The following C12orf42 variants were observed in gnomAD, a reference collection of about 807,000 sequenced individuals.
C12orf42 encodes uncharacterized protein C12orf42.
In C12orf42, 25 loss-of-function variants were observed where a neutral mutation model predicts 21.6. The observed-to-expected ratio is 1.16, with a 90% CI of 0.84 to 1.62. The LOEUF (loss-of-function observed/expected upper bound fraction) is 1.62. C12orf42 is among the 40% of genes most tolerant of loss of function. C12orf42 has a pLI of 0.00. For synonymous variants in C12orf42, 174 were observed against 175.0 expected, an observed-to-expected ratio of 0.99 and a Z score of 0.05; for missense variants, 483 against 459.3, an observed-to-expected ratio of 1.05 and a Z score of -0.47.
the C12orf42 span, among the ~76,000 whole-genome samples, chr12:103,507,078 T>TTTA: frequency 9.5e-5 from 1 of 10,508 alleles, no homozygotes; most frequent in Non-Finnish European, 1.2e-4. Context: ...AAATATATAT[T>TTTA]TATATATAAT....
At chr12:103,555,569 G>A in the C12orf42 span, among the ~76,000 whole-genome samples, 12,930 of 152,100 alleles carry the variant, frequency 0.085, 694 homozygotes, top group African/African-American at 0.13. Context: ...CTGCTGATCC[G>A]AGGACCACAC....
the C12orf42 span, among the ~76,000 whole-genome samples, chr12:103,167,879 C>CGTGT: frequency 1.1e-3 from 147 of 134,162 alleles, no homozygotes; most frequent in Admixed American, 5.0e-3. Flanking sequence ...GAGGGGTGGG[C>CGTGT]GTGTGTGTGT....
At chr12:103,248,920 C>T (rs1445075758) in intron 10 of C12orf42, among the ~76,000 whole-genome samples, 1 of 151,866 alleles carries the variant, frequency 6.6e-6, no homozygotes, top group Non-Finnish European at 1.5e-5. Context: ...TGTTGAACCC[C>T]AACTAATATT....
intron 10 of C12orf42, among the ~76,000 whole-genome samples, chr12:103,255,637 C>G (rs1012810108): frequency 2.6e-5 from 4 of 151,714 alleles, no homozygotes; most frequent in African/African-American, 9.7e-5. Flanking sequence ...TTTTAAGGAC[C>G]ATTTAGTCTA....
the C12orf42 span, among the ~76,000 whole-genome samples, chr12:103,201,765 T>C: frequency 0.37 from 55,753 of 151,990 alleles, 10,931 homozygotes; most frequent in South Asian, 0.45. Flanking sequence ...CTGCACTGTA[T>C]GTTTATTAGT....
chr12:103,293,054 G>A (rs977793343), intron 4 of C12orf42, among the ~76,000 whole-genome samples: 1 of 152,016 alleles, frequency 6.6e-6, no homozygotes, highest in Non-Finnish European at 1.5e-5. Flanking sequence ...TCTTTAGGCT[G>A]TTTTCCAAAA....
chr12:103,271,229 A>G (rs970636045), intron 5 of C12orf42, among the ~76,000 whole-genome samples: 3 of 152,164 alleles, frequency 2.0e-5, no homozygotes, highest in African/African-American at 7.2e-5. Context: ...TAAGCTAAGA[A>G]TCAGTTACTG....
chr12:103,221,044 G>C, the C12orf42 span, among the ~76,000 whole-genome samples: 5 of 152,170 alleles, frequency 3.3e-5, no homozygotes, highest in Non-Finnish European at 7.4e-5. Flanking sequence ...TAGCAGGTTT[G>C]CTTGTAGTTT....
intron 1 of C12orf42, among the ~76,000 whole-genome samples, chr12:103,482,268 G>A (rs1054617321): frequency 2.0e-5 from 3 of 152,076 alleles, no homozygotes; most frequent in Admixed American, 1.3e-4. Context: ...TCTCAGGTCT[G>A]TTTGGAAACG....
At chr12:103,075,113 C>T in the C12orf42 span, among the ~76,000 whole-genome samples, 26 of 151,978 alleles carry the variant, frequency 1.7e-4, no homozygotes, top group Non-Finnish European at 2.9e-5. Context: ...AACAAACACA[C>T]ACAGAAAAGA....
the C12orf42 span, among the ~76,000 whole-genome samples, chr12:103,519,379 A>G: frequency 6.6e-6 from 1 of 152,196 alleles, no homozygotes; most frequent in Non-Finnish European, 1.5e-5. Context: ...TCACCTTACT[A>G]GATACTTAGT....
At chr12:103,541,101 A>G in the C12orf42 span, among the ~76,000 whole-genome samples, 86 of 152,126 alleles carry the variant, frequency 5.7e-4, 2 homozygotes, top group South Asian at 0.018. Flanking sequence ...ATGGAGTTTC[A>G]CCATGTTGCC....
intron 2 of C12orf42, among the ~76,000 whole-genome samples, chr12:103,454,017 C>T (rs1952126254): frequency 6.6e-6 from 1 of 152,108 alleles, no homozygotes; most frequent in African/African-American, 2.4e-5. Context: ...CTACCATCAA[C>T]CATGCACTCA....
At chr12:103,090,279 G>A in the C12orf42 span, among the ~76,000 whole-genome samples, 1 of 152,108 alleles carries the variant, frequency 6.6e-6, no homozygotes, top group Non-Finnish European at 1.5e-5. Context: ...GAAGTGAATG[G>A]CTATGGCACC....
chr12:103,240,987 C>G (rs1312428639), intron 10 of C12orf42, among the ~76,000 whole-genome samples: 1 of 152,058 alleles, frequency 6.6e-6, no homozygotes, highest in East Asian at 1.9e-4. Context: ...GCTCTAACAT[C>G]TTTTAATCAT....
At chr12:103,188,618 T>C in the C12orf42 span, among the ~76,000 whole-genome samples, 2 of 152,182 alleles carry the variant, frequency 1.3e-5, no homozygotes, top group Non-Finnish European at 2.9e-5. Context: ...CTTGGTGATA[T>C]CCACAATGTA....
At chr12:103,417,269 A>G (rs2049438874) in intron 2 of C12orf42, among the ~76,000 whole-genome samples, 1 of 152,148 alleles carries the variant, frequency 6.6e-6, no homozygotes, top group African/African-American at 2.4e-5. Context: ...GGTAAACCTA[A>G]TTATCTTGTA....
chr12:103,358,719 G>A (rs372142253), intron 4 of C12orf42, among the ~76,000 whole-genome samples: 22 of 151,734 alleles, frequency 1.4e-4, no homozygotes, highest in African/African-American at 4.8e-4. Flanking sequence ...TCTAAAAATT[G>A]TCTCCATCCT....
At chr12:103,323,936 G>A (rs2040428492) in intron 4 of C12orf42, among the ~76,000 whole-genome samples, 1 of 152,050 alleles carries the variant, frequency 6.6e-6, no homozygotes, top group Non-Finnish European at 1.5e-5. Flanking sequence ...TTTCTACAGG[G>A]CACAAAGTAT....
Sources: allele counts gnomAD v4.1 joint callset (sites outside exome capture counted in the v4.1 genomes callset), GRCh38; gene constraint gnomAD v4.1.1; transcripts MANE v1.5; gene names NCBI Gene and HGNC (gene_info 2026-07-23, HGNC 2026-07-21).